Variants in VCAN observed in about 807,000 individuals in gnomAD.
VCAN encodes the protein versican.
A neutral mutation model predicts 245.5 loss-of-function variants in VCAN; 44 were observed. That is an observed-to-expected ratio of 0.18 (90% CI 0.14 to 0.23). VCAN has a LOEUF of 0.23. VCAN is among the 10% of genes least tolerant of loss of function. The pLI, the probability that VCAN is intolerant of heterozygous loss-of-function variation, is 1.00. For synonymous variants in VCAN, 1,413 were observed against 1,437.0 expected (o/e 0.98, Z 0.38); for missense variants, 3,793 against 4,057.9 (o/e 0.93, Z 1.77).
intron 1 of VCAN, among the ~76,000 whole-genome samples, chr5:83,472,510 G>C (rs2112323662): frequency 6.6e-6 from 1 of 152,284 alleles, no homozygotes; most frequent in African/African-American, 2.4e-5. Flanking sequence ...CCCAGCCCCT[G>C]GTGTGTGGTC....
intron 7 of VCAN, among the ~76,000 whole-genome samples, chr5:83,526,466 G>C (rs1746305571): frequency 1.3e-5 from 2 of 151,960 alleles, no homozygotes. Context: ...ATGTTTGAGG[G>C]GGACATCGAG....
At chr5:83,475,725 T>C (rs1744364446) in intron 1 of VCAN, among the ~76,000 whole-genome samples, 1 of 152,206 alleles carries the variant, frequency 6.6e-6, no homozygotes, top group African/African-American at 2.4e-5. Flanking sequence ...TCCAATGGAT[T>C]CCAATGTGAT....
chr5:83,565,390 GGT>G (rs6149088), intron 12 of VCAN, among the ~76,000 whole-genome samples: 30,284 of 148,974 alleles, frequency 0.2, 2,913 homozygotes, highest in Admixed American at 0.23. Context: ...TATGTGTAAG[GGT>G]GTGTGTGTGT....
chr5:83,580,694 C>T lies in VCAN; in HGVS notation c.*260C>T, dbSNP rs1748643033. ...AATTTCTTTAGTTTTCTATTTGCCT[C>T]CAGTGCAGTCCATTTCCTAATGTAT... is the stretch of plus-strand genomic sequence containing the variant. On this transcript the variant is annotated 3_prime_UTR_variant, in exon 15 of 15. Coordinates refer to ENST00000265077, the MANE Select transcript of VCAN (RefSeq NM_004385.5). 2.2e-6 allele frequency: 1 copy of T among 460,580 alleles called. No homozygotes were observed. Among genetic ancestry groups the T allele is most frequent in the Non-Finnish European group, 3.9e-6 (1 of 253,888 alleles). 28.5% of individuals were successfully genotyped at this position (460,580 alleles called of 1,614,324 possible). A position where few individuals can be genotyped will look rare whatever the true frequency, so the allele number is the denominator to read the frequency against.
chr5:83,516,446 G>A (rs1745859841), intron 6 of VCAN, among the ~76,000 whole-genome samples: 1 of 152,226 alleles, frequency 6.6e-6, no homozygotes, highest in South Asian at 2.1e-4. Context: ...ATGGGAATAA[G>A]TTAAATTGAC....
At chr5:83,495,744 T>G (rs1466894114) in intron 5 of VCAN, among the ~76,000 whole-genome samples, 2 of 152,200 alleles carry the variant, frequency 1.3e-5, no homozygotes, top group African/African-American at 4.8e-5. Context: ...AGGTAGCTTT[T>G]GCAAAAGTAT....
At chr5:83,524,308 A>G (rs370699319) in intron 7 of VCAN, among the ~76,000 whole-genome samples, 1 of 152,186 alleles carries the variant, frequency 6.6e-6, no homozygotes, top group East Asian at 1.9e-4. Flanking sequence ...GGAGACGTAT[A>G]TAGGTGTTTC....
intron 10 of VCAN, among the ~76,000 whole-genome samples, chr5:83,552,723 T>A (rs1364602749): frequency 6.6e-6 from 1 of 152,194 alleles, no homozygotes; most frequent in Non-Finnish European, 1.5e-5. Context: ...TTTATTTCAT[T>A]TTTAATAAAC....
At position 83,522,741 on chromosome 5, in the gene VCAN, A is replaced by C. The variant is rs115466260; in HGVS notation, c.4003+432A>C. On this transcript the variant is annotated intron_variant, in intron 7 of 14. Coordinates refer to ENST00000265077, the MANE Select transcript of VCAN (RefSeq NM_004385.5). ...ATCGTTTTGCATATCCCTAAGGTTGACAGAAAGATATTTAAAGGTTTGCTT... is the reference window on the plus strand; with the variant it reads ...ATCGTTTTGCATATCCCTAAGGTTGCCAGAAAGATATTTAAAGGTTTGCTT... Among the ~76,000 whole-genome samples the C allele has an allele frequency of 7.6e-3, 1,162 of 152,342 alleles. 20 individuals carry two copies. Among genetic ancestry groups the C allele is most frequent in the African/African-American group, 0.027 (1,123 of 41,586 alleles).
At chr5:83,507,260 GT>G (rs1301114561) in intron 5 of VCAN, among the ~76,000 whole-genome samples, 2 of 152,120 alleles carry the variant, frequency 1.3e-5, no homozygotes, top group African/African-American at 4.8e-5. Context: ...AAAGATGCTT[GT>G]TTTCCAGGAA....
chr5:83,506,758 GAAGAAA>G (rs1270728002), intron 5 of VCAN, among the ~76,000 whole-genome samples: 2 of 152,122 alleles, frequency 1.3e-5, no homozygotes, highest in African/African-American at 2.4e-5. Context: ...CCGAGACTGA[GAAGAAA>G]AAGAGGTTTA....
intron 8 of VCAN, among the ~76,000 whole-genome samples, chr5:83,544,756 G>A (rs1244157338): frequency 6.6e-6 from 1 of 152,092 alleles, no homozygotes; most frequent in African/African-American, 2.4e-5. Context: ...AAAAGTGTTT[G>A]CACTTAGAAA....
intron 3 of VCAN, among the ~76,000 whole-genome samples, chr5:83,491,713 C>G (rs1176161193): frequency 6.6e-6 from 1 of 152,160 alleles, no homozygotes; most frequent in Non-Finnish European, 1.5e-5. Context: ...TCCACTTAAT[C>G]TCCTTAGCTC....
chr5:83,483,935 C>G lies in VCAN; in HGVS notation c.70+347C>G, dbSNP rs534364681. 2.6e-5 allele frequency among the ~76,000 whole-genome samples: 4 copies of G among 152,244 alleles called. No homozygotes were observed. In the East Asian group the frequency reaches 5.8e-4, roughly 22 times the overall value. ...GCAAAAAAAGAAACACTATTAAACA[C>G]CCAGTGGGCTAGAATTTGAAAAGAA... On this transcript the variant is annotated intron_variant, in intron 2 of 14. Transcript: ENST00000265077.
chr5:83,546,101 C>A (rs932278072), intron 9 of VCAN, among the ~76,000 whole-genome samples: 1 of 152,138 alleles, frequency 6.6e-6, no homozygotes, highest in Admixed American at 6.6e-5. Flanking sequence ...AAAGACCCTT[C>A]CCTGACTCCC....
chr5:83,521,141 C>T lies in VCAN; in HGVS notation c.2835C>T (p.His945=), dbSNP rs139291103. 2 of 1,613,938 alleles carry T rather than the reference C, an allele frequency of 1.2e-6. No individual in the cohort carries two copies. Among genetic ancestry groups the T allele is most frequent in the African/African-American group, 1.3e-5 (1 of 74,916 alleles). ...TATCTACTGTTCCCCAATTTGCACACACTTCAGAGGTGGAAGGATTAGCAT... is the reference window on the plus strand; with the variant it reads ...TATCTACTGTTCCCCAATTTGCACATACTTCAGAGGTGGAAGGATTAGCAT... ...KPVSTVPQFA[H]TSEVEGLAFV... The change falls in exon 7 of 15, where the codon CAC becomes CAT. Residue 945 remains histidine, a synonymous_variant. Transcript: ENST00000265077.
chr5:83,497,615 A>G (rs915944631), intron 5 of VCAN, among the ~76,000 whole-genome samples: 3 of 152,338 alleles, frequency 2.0e-5, no homozygotes, highest in South Asian at 4.1e-4. Flanking sequence ...TAAGAAATTA[A>G]TGGAATTAAA....
At chr5:83,536,867 A>G (rs1361645940) in intron 7 of VCAN, 140 bp from the exon 8 acceptor site, 1 of 660,770 alleles carries the variant, frequency 1.5e-6, no homozygotes, top group Non-Finnish European at 2.5e-6. Flanking sequence ...AGAACCATAT[A>G]AGAGGGTGAT....
Position 83,582,247 on chromosome 5 carries a change from C to A in VCAN, c.*1813C>A, listed in dbSNP as rs756243049. The A allele has an allele frequency of 2.0e-5, 3 of 152,034 alleles. No homozygotes were observed. The highest frequency in any genetic ancestry group is 4.4e-5 in the Non-Finnish European group (3 of 67,980). 9.4% of individuals were successfully genotyped at this position (152,034 alleles called of 1,614,324 possible). On this transcript the variant is annotated 3_prime_UTR_variant, in exon 15 of 15. Transcript: ENST00000265077. ...GAATGAAAATCTAAAATCTTTGTAA[C>A]TTTTTATATCTGCTTTTGTTTCACC...
Sources: allele counts gnomAD v4.1 joint callset (sites outside exome capture counted in the v4.1 genomes callset), GRCh38; gene constraint gnomAD v4.1.1; transcripts MANE v1.5; gene names NCBI Gene and HGNC (gene_info 2026-07-23, HGNC 2026-07-21).